The following ZNF726 variants were observed in gnomAD, a reference collection of about 807,000 sequenced individuals.
The protein encoded by ZNF726 is zinc finger protein 726.
ZNF726 carries 15 observed loss-of-function variants against 11.6 expected under a neutral mutation model. The observed-to-expected ratio is 1.29, with a 90% CI of 0.86 to 1.99. The LOEUF (loss-of-function observed/expected upper bound fraction) is 1.99, where lower values mean the gene tolerates loss of function less well. ZNF726 is among the 30% of genes most tolerant of loss of function. The pLI, the probability that ZNF726 is intolerant of heterozygous loss-of-function variation, is 0.00. For missense variants in ZNF726, 890 were observed against 725.6 expected (o/e 1.23, Z -2.60); for synonymous variants, 295 against 243.6 (o/e 1.21, Z -1.96).
At chr19:23,920,135 A>G (rs549027044) in intron 3 of ZNF726, 53 bp downstream of exon 3, 64 of 1,295,944 alleles carry the variant, frequency 4.9e-5, no homozygotes, top group Admixed American at 2.7e-4. Flanking sequence ...CAACGTCAAG[A>G]AGAAAGCCAG....
At chr19:23,922,139 GC>G (rs993634738) in intron 3 of ZNF726, among the ~76,000 whole-genome samples, 1 of 152,194 alleles carries the variant, frequency 6.6e-6, no homozygotes, top group Non-Finnish European at 1.5e-5. Flanking sequence ...GTTAAACAGG[GC>G]TTGGATATTT....
At chr19:23,944,383 T>C (rs926504812) in intron 4 of ZNF726, 1 of 152,216 alleles carries the variant, frequency 6.6e-6, no homozygotes, top group African/African-American at 2.4e-5. Context: ...TGATGAGACT[T>C]TTAAATCAAA....
downstream of ZNF726, among the ~76,000 whole-genome samples, chr19:23,936,980 C>T (rs1390480287): frequency 1.3e-5 from 2 of 152,142 alleles, no homozygotes; most frequent in East Asian, 2.0e-4. Flanking sequence ...GGGTACACCT[C>T]CCAGACGGGG....
At chr19:23,919,063 A>G (rs1399859015) in intron 1 of ZNF726, 1 of 217,034 alleles carries the variant, frequency 4.6e-6, no homozygotes, top group Non-Finnish European at 9.1e-6. Flanking sequence ...TCTGAAAAAT[A>G]TACACAACTC....
intron 3 of ZNF726, among the ~76,000 whole-genome samples, chr19:23,941,523 C>G (rs1599478016): frequency 6.6e-6 from 1 of 152,056 alleles, no homozygotes; most frequent in African/African-American, 2.4e-5. Context: ...CCTTCTTTCC[C>G]TATCTTGTGG....
At chr19:23,935,339 A>G (rs1181960869), downstream of ZNF726, 5 of 527,820 alleles carry the variant, frequency 9.5e-6, no homozygotes, top group South Asian at 7.0e-5. Context: ...CCTCAGCCCT[A>G]ACTAGACATA....
chr19:23,918,817 A>G (rs1254235273), intron 1 of ZNF726, among the ~76,000 whole-genome samples: 2 of 152,190 alleles, frequency 1.3e-5, no homozygotes, highest in Non-Finnish European at 2.9e-5. Context: ...CTGAAAAAAA[A>G]AACACGACTC....
chr19:23,931,853 G>T (rs906930589), intron 3 of ZNF726, among the ~76,000 whole-genome samples: 1 of 151,998 alleles, frequency 6.6e-6, no homozygotes, highest in Non-Finnish European at 1.5e-5. Context: ...GGTCTCAGTG[G>T]ACTCAAACTC....
intron 3 of ZNF726, among the ~76,000 whole-genome samples, chr19:23,926,024 T>G (rs2036746114): frequency 6.6e-6 from 1 of 152,124 alleles, no homozygotes; most frequent in Non-Finnish European, 1.5e-5. Context: ...TATTGTTTGG[T>G]TTTAAAAGTT....
chr19:23,925,488 G>A (rs1158905391), intron 3 of ZNF726, among the ~76,000 whole-genome samples: 4 of 151,936 alleles, frequency 2.6e-5, no homozygotes, highest in African/African-American at 7.2e-5. Flanking sequence ...CACCACGCCC[G>A]GCCAAGGGTT....
chr19:23,939,514 C>T (rs1010010335), intron 3 of ZNF726, among the ~76,000 whole-genome samples: 5 of 152,022 alleles, frequency 3.3e-5, no homozygotes, highest in Admixed American at 2.0e-4. Context: ...CAAATAATGA[C>T]TTCTTTTCCT....
downstream of ZNF726, among the ~76,000 whole-genome samples, chr19:23,937,594 G>A (rs972740318): frequency 3.8e-5 from 5 of 132,234 alleles, no homozygotes; most frequent in Non-Finnish European, 8.3e-5. Context: ...GATGGCGGCC[G>A]GGAAGAGGCG....
rs899459522 is a variant in ZNF726, at chr19:23,939,601, T to C, written c.227-3893T>C. Among the ~76,000 whole-genome samples the C allele has an allele frequency of 2.6e-5, 4 of 152,310 alleles. No individual in the cohort carries two copies. The South Asian group carries it at 6.2e-4, about 24-fold the overall frequency. ...TTAGTTCATTAAGGAATCTCCCCAC[T>C]TTTTTCCATAGCGGCTGTACTAGTT... On this transcript the variant is annotated intron_variant, in intron 3 of 4. Coordinates refer to the ZNF726 transcript ENST00000334589.
At chr19:23,922,054 GT>G (rs1175687103) in intron 3 of ZNF726, among the ~76,000 whole-genome samples, 2 of 152,200 alleles carry the variant, frequency 1.3e-5, no homozygotes, top group African/African-American at 2.4e-5. Context: ...TATCCTCTGG[GT>G]TTGTAGTGAA....
At chr19:23,919,005 C>T (rs1366223685) in intron 1 of ZNF726, 5 of 203,512 alleles carry the variant, frequency 2.5e-5, no homozygotes, top group African/African-American at 1.2e-4. Context: ...TACCTTCTAA[C>T]TCAACATGTT....
At chr19:23,928,700 A>C (rs1047628363) in intron 3 of ZNF726, 1 of 152,216 alleles carries the variant, frequency 6.6e-6, no homozygotes, top group African/African-American at 2.4e-5. Context: ...TATTTGACTC[A>C]GTGCTAAAAT....
intron 1 of ZNF726, among the ~76,000 whole-genome samples, chr19:23,916,962 T>A (rs144736139): frequency 6.6e-6 from 1 of 152,318 alleles, no homozygotes; most frequent in East Asian, 1.9e-4. Flanking sequence ...TATTTATGTA[T>A]CTTTTTAAGA....
chr19:23,935,960 G>C (rs952876925), downstream of ZNF726: 1 of 152,192 alleles, frequency 6.6e-6, no homozygotes, highest in African/African-American at 2.4e-5. Context: ...TATGAAGAGG[G>C]TTGTAATACA....
chr19:23,928,963 G>T (rs1568378501), intron 3 of ZNF726: 2 of 151,802 alleles, frequency 1.3e-5, no homozygotes, highest in African/African-American at 4.8e-5. Context: ...CACCTAGCTA[G>T]TTTTTTTTGT....
Sources: allele counts gnomAD v4.1 joint callset (sites outside exome capture counted in the v4.1 genomes callset), GRCh38; gene constraint gnomAD v4.1.1; transcripts MANE v1.5; gene names NCBI Gene and HGNC (gene_info 2026-07-23, HGNC 2026-07-21).